Variants in ABCC8 observed in about 807,000 individuals in gnomAD.
ABCC8 encodes the protein ATP binding cassette subfamily C member 8.
ABCC8 carries 137 observed loss-of-function variants against 188.0 expected under a neutral mutation model. The observed-to-expected ratio is 0.73, with a 90% CI of 0.63 to 0.84. The LOEUF (loss-of-function observed/expected upper bound fraction) is 0.84. ABCC8 is among the 40% of genes least tolerant of loss of function. The pLI, the probability that ABCC8 is intolerant of heterozygous loss-of-function variation, is 0.00. For missense variants in ABCC8, 1,750 were observed against 2,072.7 expected, an observed-to-expected ratio of 0.84 and a Z score of 3.02; for synonymous variants, 797 against 846.5, an observed-to-expected ratio of 0.94 and a Z score of 1.01.
chr11:17,430,546 GGTTT>G, intron 12 of ABCC8: 2 of 444,886 alleles, frequency 4.5e-6, no homozygotes, highest in Non-Finnish European at 8.3e-6. Flanking sequence ...GCTCAACACT[GGTTT>G]TTTTTTTTTT....
chr11:17,446,894 CT>C (rs1244837308), intron 8 of ABCC8, among the ~76,000 whole-genome samples: 1 of 152,136 alleles, frequency 6.6e-6, no homozygotes, highest in African/African-American at 2.4e-5. Flanking sequence ...TTTATGGAAT[CT>C]TTATCCCAAG....
At chr11:17,470,799 C>A (rs1275330627) in intron 2 of ABCC8, among the ~76,000 whole-genome samples, 1 of 152,200 alleles carries the variant, frequency 6.6e-6, no homozygotes, top group Non-Finnish European at 1.5e-5. Context: ...GCAGTCAATA[C>A]CAGCTCATAG....
intron 1 of ABCC8, among the ~76,000 whole-genome samples, chr11:17,475,426 G>T (rs777217157): frequency 1.3e-5 from 2 of 152,020 alleles, no homozygotes; most frequent in Non-Finnish European, 2.9e-5. Flanking sequence ...GTCTCACTAT[G>T]TTGCCCAGGC....
chr11:17,403,305 C>CA (rs1174825129), intron 28 of ABCC8, among the ~76,000 whole-genome samples: 1 of 152,206 alleles, frequency 6.6e-6, no homozygotes, highest in East Asian at 1.9e-4. Context: ...TGCACCTCGA[C>CA]AAGCACATCA....
chr11:17,393,589 C>T (rs1953741979), intron 38 of ABCC8, 108 bp downstream of exon 38: 1 of 1,545,106 alleles, frequency 6.5e-7, no homozygotes, highest in East Asian at 2.2e-5. Flanking sequence ...AGGGTTCTTT[C>T]TTGATTACTG....
At chr11:17,428,492 C>G in intron 13 of ABCC8, 73 bp downstream of exon 13, 1 of 1,604,528 alleles carries the variant, frequency 6.2e-7, no homozygotes, top group Non-Finnish European at 8.5e-7. Flanking sequence ...AGGCAGAAGT[C>G]CGACACAGCA....
rs1436056710 is a variant in ABCC8 at position 17,407,131 on chromosome 11, T to G, written c.2921-2A>C. 1 of 1,610,514 alleles carries G rather than the reference T, an allele frequency of 6.2e-7. No individual in the cohort carries two copies. Among genetic ancestry groups the G allele is most frequent in the Admixed American group, 1.7e-5 (1 of 59,590 alleles). ...CCTCCTCGCTCTCAGCTGCCTCCTC[T>G]GCAGGCCGCAAGAACCCACTCTGTG... is the stretch of plus-strand genomic sequence containing the variant. On this transcript the variant is annotated splice_acceptor_variant, in intron 24 of 38. Coordinates refer to ENST00000389817, the MANE Select transcript of ABCC8 (RefSeq NM_000352.6). LOFTEE classifies it high-confidence loss of function.
intron 10 of ABCC8, among the ~76,000 whole-genome samples, chr11:17,439,399 G>T (rs1467001837): frequency 6.6e-6 from 1 of 152,128 alleles, no homozygotes; most frequent in Non-Finnish European, 1.5e-5. Flanking sequence ...ATGTGACTCT[G>T]GGGCTCCTCT....
chr11:17,460,686 G>A lies in ABCC8; in HGVS notation c.823-10C>T, dbSNP rs1276799856. 6.2e-7 allele frequency: 1 copy of A among 1,606,054 alleles called. No individual in the cohort carries two copies. The highest frequency in any genetic ancestry group is 2.2e-5 in the East Asian group (1 of 44,868). ...CCTGAATGTCCTTCCGCTGCCCAGA[G>A]AGACCATGGCCAGGTCAGAGTGCCT... On this transcript the variant is annotated splice_polypyrimidine_tract_variant and intron_variant, in intron 5 of 38. Coordinates refer to ENST00000389817, the MANE Select transcript of ABCC8 (RefSeq NM_000352.6).
intron 6 of ABCC8, among the ~76,000 whole-genome samples, chr11:17,458,579 G>A (rs896846674): frequency 6.6e-6 from 1 of 152,200 alleles, no homozygotes; most frequent in Non-Finnish European, 1.5e-5. Flanking sequence ...GGGGTATTCT[G>A]GGGTAGCCTA....
intron 2 of ABCC8, among the ~76,000 whole-genome samples, chr11:17,473,347 T>C (rs1375990726): frequency 6.6e-6 from 1 of 152,098 alleles, no homozygotes; most frequent in Non-Finnish European, 1.5e-5. Flanking sequence ...CTAGGGACTT[T>C]AATAAGCAGG....
At chr11:17,409,249 G>A (rs537816739) in intron 22 of ABCC8, among the ~76,000 whole-genome samples, 1 of 152,024 alleles carries the variant, frequency 6.6e-6, no homozygotes, top group Non-Finnish European at 1.5e-5. Context: ...TAGCCACCGC[G>A]CCCGGCTCAA....
intron 10 of ABCC8, among the ~76,000 whole-genome samples, chr11:17,441,419 C>T (rs549200891): frequency 6.6e-6 from 1 of 152,304 alleles, no homozygotes; most frequent in East Asian, 1.9e-4. Flanking sequence ...TCTGTGTAAT[C>T]CCCACTCATC....
chr11:17,431,265 C>G lies in ABCC8; in HGVS notation c.1672-306G>C, dbSNP rs906444440. On this transcript the variant is annotated intron_variant, in intron 11 of 38. Transcript: ENST00000389817. ...ATCTCGGGTTAGGTCAGCACGGCCC[C>G]CTCTGCAGACAGCAGGCGGGGTGCT... Among the ~76,000 whole-genome samples the G allele has an allele frequency of 5.3e-5, 8 of 151,734 alleles. No homozygotes were observed. The East Asian group carries it at 1.5e-3, about 29-fold the overall frequency.
chr11:17,417,393 T>C (rs959058587), intron 16 of ABCC8, among the ~76,000 whole-genome samples: 1 of 152,186 alleles, frequency 6.6e-6, no homozygotes, highest in African/African-American at 2.4e-5. Flanking sequence ...AAAGAATAGA[T>C]GGAATCAGTG....
chr11:17,393,944 C>T (rs1953766627), intron 37 of ABCC8, 185 bp from the exon 38 acceptor site: 2 of 776,368 alleles, frequency 2.6e-6, no homozygotes, highest in South Asian at 1.2e-4. Context: ...CTGTTGGGAG[C>T]TCAGCTCTGT....
At chr11:17,424,871 GT>G (rs1471110894) in intron 16 of ABCC8, among the ~76,000 whole-genome samples, 1 of 152,214 alleles carries the variant, frequency 6.6e-6, no homozygotes, top group Non-Finnish European at 1.5e-5. Context: ...CTGAGCCTGA[GT>G]TTCTGCTTCT....
chr11:17,450,404 T>C (rs1197905191), intron 7 of ABCC8, among the ~76,000 whole-genome samples: 3 of 60,558 alleles, frequency 5.0e-5, no homozygotes, highest in African/African-American at 2.1e-4. Context: ...CTTTCTTTCC[T>C]TTTTTTTTTT....
intron 8 of ABCC8, among the ~76,000 whole-genome samples, chr11:17,445,989 C>G (rs761722973): frequency 2.0e-5 from 3 of 147,646 alleles, no homozygotes; most frequent in African/African-American, 7.5e-5. Flanking sequence ...TTTTTTAGAC[C>G]GAGTCTCGCT....
Sources: allele counts gnomAD v4.1 joint callset (sites outside exome capture counted in the v4.1 genomes callset), GRCh38; gene constraint gnomAD v4.1.1; transcripts MANE v1.5; gene names NCBI Gene and HGNC (gene_info 2026-07-23, HGNC 2026-07-21).